CYP51A1: variants seen among roughly 807,000 people sequenced by gnomAD.
CYP51A1 encodes the protein lanosterol 14-alpha demethylase.
A neutral mutation model predicts 53.5 loss-of-function variants in CYP51A1; 45 were observed. The observed-to-expected ratio is 0.84, with a 90% CI of 0.66 to 1.08. CYP51A1 has a LOEUF of 1.08. CYP51A1 is among the 50% of genes least tolerant of loss of function. The pLI is 0.00. For synonymous variants in CYP51A1, 181 were observed against 217.7 expected (o/e 0.83, Z 1.48); for missense variants, 462 against 621.7 (o/e 0.74, Z 2.73).
rs1463818156 is a variant in CYP51A1, at chr7:92,123,297, A to G, written c.909T>C (p.Thr303=). 1 of 1,613,428 alleles carries G rather than the reference A, an allele frequency of 6.2e-7. No individual in the cohort carries two copies. Among genetic ancestry groups the G allele is most frequent in the Admixed American group, 1.7e-5 (1 of 59,930 alleles). ...DATYKDGRPL[T]DDEVAGMLIG... ...TAAGCATCCCTGCTACTTCATCATC[A>G]GTCAAAGGACGCCCATCCCTAAGGA... The change falls in exon 7 of 10, where the codon ACT becomes ACC. Residue 303 remains threonine, a synonymous_variant. Coordinates refer to ENST00000003100, the MANE Select transcript of CYP51A1 (RefSeq NM_000786.4).
intron 6 of CYP51A1, 149 bp from the exon 7 acceptor site, chr7:92,123,464 TAGGG>T: frequency 1.2e-6 from 1 of 805,848 alleles, no homozygotes; most frequent in Non-Finnish European, 2.0e-6. Context: ...TTTTTTCTCT[TAGGG>T]AAGAGACAGA....
intron 9 of CYP51A1, among the ~76,000 whole-genome samples, chr7:92,114,997 C>G (rs6970743): frequency 0.4 from 60,464 of 151,978 alleles, 12,326 homozygotes; most frequent in African/African-American, 0.46. Flanking sequence ...TCAAATATAA[C>G]AACTAAAGAG....
chr7:92,131,976 T>A, intron 1 of CYP51A1, 104 bp from the exon 2 acceptor site: 2 of 599,830 alleles, frequency 3.3e-6, no homozygotes, highest in Non-Finnish European at 5.5e-6. Flanking sequence ...TATTAAGACT[T>A]CAAAAAAAAG....
chr7:92,119,960 T>C (rs1427137879), intron 7 of CYP51A1, among the ~76,000 whole-genome samples: 1 of 151,998 alleles, frequency 6.6e-6, no homozygotes, highest in Non-Finnish European at 1.5e-5. Context: ...GTATGAGAAC[T>C]GAAATGAAAA....
chr7:92,117,207 C>T lies in CYP51A1; in HGVS notation c.1188G>A (p.Val396=), dbSNP rs1411566800. 1.9e-6 allele frequency: 3 copies of T among 1,610,512 alleles called. No homozygotes were observed. In the Admixed American group the frequency reaches 5.1e-5, roughly 27 times the overall value. The change falls in exon 9 of 10, where the codon GTG becomes GTA. Residue 396 remains valine, a synonymous_variant. Coordinates refer to ENST00000003100, the MANE Select transcript of CYP51A1 (RefSeq NM_000786.4). The part of the protein sequence containing the change: ...MMRMARTPQT[V]AGYTIPPGHQ... ...GTCCTGGAGGAATGGTATACCCTGC[C>T]ACAGTCTATAAACAAAAGCCACACA...
chr7:92,125,560 G>T (rs897794364), intron 5 of CYP51A1, among the ~76,000 whole-genome samples: 6 of 152,098 alleles, frequency 3.9e-5, no homozygotes, highest in East Asian at 1.9e-4. Flanking sequence ...TTAAATAAAG[G>T]CACAAATATT....
rs775608607 is a variant in CYP51A1 at position 92,123,812 on chromosome 7, T to C, written c.812A>G (p.Tyr271Cys). The C allele has an allele frequency of 1.1e-5, 17 of 1,609,522 alleles. No individual in the cohort carries two copies. The African/African-American group carries it at 1.1e-4, about 10-fold the overall frequency. Reference sequence around the variant, plus strand: ...CTGTCTGCGTTTCTGGATTGCCTTATAGAAAATATCCTTGATTTCCCGATG... The same window carrying C: ...CTGTCTGCGTTTCTGGATTGCCTTACAGAAAATATCCTTGATTTCCCGATG... ...RAHREIKDIF[Y>C]KAIQKRRQSQ... Residue 271 changes from tyrosine (Y) to cysteine (C), a missense_variant, in exon 6 of 10, where the codon TAT becomes TGT. Transcript: ENST00000003100.
At chr7:92,130,912 C>T (rs1819904201) in intron 2 of CYP51A1, among the ~76,000 whole-genome samples, 1 of 152,138 alleles carries the variant, frequency 6.6e-6, no homozygotes, top group African/African-American at 2.4e-5. Context: ...GTTCAAATAT[C>T]ATTAAGGTAG....
rs202094387 is a variant in CYP51A1, at chr7:92,131,888, A to T, written c.193-16T>A. 9 of 1,422,406 alleles carry T rather than the reference A, an allele frequency of 6.3e-6. No individual in the cohort carries two copies. Among genetic ancestry groups the T allele is most frequent in the Non-Finnish European group, 6.9e-6 (7 of 1,007,562 alleles). 88.1% of individuals were successfully genotyped at this position (1,422,406 alleles called of 1,614,324 possible). A position where few individuals can be genotyped will look rare whatever the true frequency, so the allele number is the denominator to read the frequency against. On this transcript the variant is annotated splice_polypyrimidine_tract_variant and intron_variant, in intron 1 of 9. Transcript: ENST00000003100. ...GAGGACTTTTCTACAAGAGAAAAAA[A>T]TAGTAAATTCAATTCGTGTTTCATT... is the stretch of plus-strand genomic sequence containing the variant.
intron 7 of CYP51A1, among the ~76,000 whole-genome samples, chr7:92,121,623 G>A (rs148675078): frequency 5.5e-4 from 84 of 152,324 alleles, no homozygotes; most frequent in African/African-American, 2.0e-3. Context: ...CCATATAATG[G>A]AATATTATTG....
intron 3 of CYP51A1, among the ~76,000 whole-genome samples, chr7:92,128,117 G>A (rs973163553): frequency 1.3e-5 from 2 of 152,186 alleles, no homozygotes; most frequent in Non-Finnish European, 2.9e-5. Flanking sequence ...GAGGACTTCT[G>A]AAGTCAGCAA....
intron 1 of CYP51A1, 107 bp from the exon 2 acceptor site, chr7:92,131,979 A>G: frequency 1.7e-6 from 1 of 577,200 alleles, no homozygotes; most frequent in South Asian, 1.8e-5. Context: ...TAAGACTTCA[A>G]AAAAAAGTTA....
In CYP51A1 at chr7:92,126,264, CA is replaced by C. The variant is rs1278941242; in HGVS notation, c.758del (p.Leu253CysfsTer40). On this transcript the variant is annotated frameshift_variant, in exon 5 of 10. Coordinates refer to ENST00000003100, the MANE Select transcript of CYP51A1 (RefSeq NM_000786.4). LOFTEE classifies it high-confidence loss of function. Reference sequence around the variant, plus strand: ...TTCTTTATCCATACCTGAAACTAGGCAAAGGCAGCCAACCTGGTAAGAGCCA... The same window carrying C: ...TTCTTTATCCATACCTGAAACTAGGCAAGGCAGCCAACCTGGTAAGAGCCA... Reference protein sequence around the residue: ...AAWLLPGWLPLPSFRRRDRAH... With the variant: ...AAWLLPGWLPXPSFRRRDRAH... The C allele has an allele frequency of 6.2e-7, 1 of 1,600,596 alleles. No homozygotes were observed. The highest frequency in any genetic ancestry group is 1.3e-5 in the African/African-American group (1 of 74,208).
chr7:92,126,307 C>T lies in CYP51A1; in HGVS notation c.716G>A (p.Gly239Asp), dbSNP rs1486619228. ...VAQLYADLDG[G>D]FSHAAWLLPG... ...TAAGAGCCAGGCTGCATGGCTGAAA[C>T]CTCCATCCAAATCTGCATACAGCTG... is the stretch of plus-strand genomic sequence containing the variant. The change falls in exon 5 of 10, where the codon GGT becomes GAT. Residue 239 changes from glycine (G) to aspartate (D), a missense_variant. By Grantham distance (94) the Gly-to-Asp change is moderately conservative. Coordinates refer to ENST00000003100, the MANE Select transcript of CYP51A1 (RefSeq NM_000786.4). 1 of 1,611,606 alleles carries T rather than the reference C, an allele frequency of 6.2e-7. No individual in the cohort carries two copies. Among genetic ancestry groups the T allele is most frequent in the Non-Finnish European group, 8.5e-7 (1 of 1,179,542 alleles).
At chr7:92,131,719 A>G (rs775425581) in intron 2 of CYP51A1, 55 bp downstream of exon 2, 6 of 987,992 alleles carry the variant, frequency 6.1e-6, no homozygotes, top group Non-Finnish European at 9.2e-6. Flanking sequence ...AAAAGTTTAA[A>G]AAGCACTTCT....
chr7:92,113,906 G>A, intron 9 of CYP51A1, 63 bp from the exon 10 acceptor site: 2 of 1,121,612 alleles, frequency 1.8e-6, no homozygotes, highest in Non-Finnish European at 2.6e-6. Context: ...TTAGCCTGGG[G>A]TGATATTATC....
chr7:92,124,137 C>A (rs1397607073), intron 5 of CYP51A1, among the ~76,000 whole-genome samples: 1 of 152,136 alleles, frequency 6.6e-6, no homozygotes, highest in Non-Finnish European at 1.5e-5. Flanking sequence ...AGGCCTAAAA[C>A]AAGCAAGAAA....
rs768579148 is a variant in CYP51A1 at position 92,123,143 on chromosome 7, G to A, written c.1063C>T (p.Leu355=). 7 of 1,613,340 alleles carry A rather than the reference G, an allele frequency of 4.3e-6. No individual in the cohort carries two copies. The highest frequency in any genetic ancestry group is 5.9e-6 in the Non-Finnish European group (7 of 1,179,544). Residue 355 remains leucine (L), a synonymous_variant, in exon 7 of 10, where the codon CTG becomes TTG. Coordinates refer to ENST00000003100, the MANE Select transcript of CYP51A1 (RefSeq NM_000786.4). The stretch of plus-strand genomic sequence containing the variant: ...ACCTGGTCATAAGTTAAAGGAGGCA[G>A]ATTCTCTCCACAGACTGTTTTCTGT... ...LEQKTVCGEN[L]PPLTYDQLKD...
chr7:92,134,304 C>T lies in CYP51A1; in HGVS notation c.61G>A (p.Gly21Ser). The change falls in exon 1 of 10, where the codon GGC becomes AGC. Residue 21 changes from glycine (G) to serine (S), a missense_variant. Transcript: ENST00000003100. ...CCTGTCACCTTCTCCATCGCCTGGC[C>T]CAGCACCGACCCACCCGCCTGCAGC... Reference protein sequence around the residue: ...GLLQAGGSVLGQAMEKVTGGN... With the variant: ...GLLQAGGSVLSQAMEKVTGGN... 6.2e-7 allele frequency: 1 copy of T among 1,604,416 alleles called. No homozygotes were observed. Among genetic ancestry groups the T allele is most frequent in the Non-Finnish European group, 8.5e-7 (1 of 1,173,790 alleles).
Sources: allele counts gnomAD v4.1 joint callset (sites outside exome capture counted in the v4.1 genomes callset), GRCh38; gene constraint gnomAD v4.1.1; transcripts MANE v1.5; gene names NCBI Gene and HGNC (gene_info 2026-07-23, HGNC 2026-07-21).